The following CSMD1 variants were observed in gnomAD, a reference collection of about 807,000 sequenced individuals.
CSMD1 encodes the protein CUB and sushi domain-containing protein 1.
Under a neutral mutation model 417.5 loss-of-function variants are expected in CSMD1, and 213 were observed. That is an observed-to-expected ratio of 0.51 (90% CI 0.46 to 0.57). The LOEUF (loss-of-function observed/expected upper bound fraction) is 0.57. Among genes scored for constraint, CSMD1 ranks in the 20% least tolerant of loss-of-function variants. The pLI is 0.00. For missense variants in CSMD1, 6,923 were observed against 4,529.7 expected (o/e 1.53, Z -15.17); for synonymous variants, 2,862 against 1,736.8 (o/e 1.65, Z -16.11).
chr8:3,926,449 T>A (rs892151824), intron 5 of CSMD1, among the ~76,000 whole-genome samples: 5 of 152,060 alleles, frequency 3.3e-5, no homozygotes, highest in African/African-American at 9.7e-5. Flanking sequence ...GTTATAAATA[T>A]TTGTTGAATG....
At chr8:3,903,042 T>C (rs1807863171) in intron 5 of CSMD1, among the ~76,000 whole-genome samples, 1 of 152,186 alleles carries the variant, frequency 6.6e-6, no homozygotes, top group Non-Finnish European at 1.5e-5. Context: ...AAGTAGCGTG[T>C]AGCTGACCAC....
At chr8:4,240,400 C>A (rs529446194) in intron 3 of CSMD1, among the ~76,000 whole-genome samples, 3 of 152,338 alleles carry the variant, frequency 2.0e-5, no homozygotes, top group East Asian at 1.9e-4. Context: ...CAGTTGAGCA[C>A]CTTTGCCTGC....
chr8:2,993,451 T>C (rs1262473185), intron 54 of CSMD1, among the ~76,000 whole-genome samples: 2 of 152,108 alleles, frequency 1.3e-5, no homozygotes, highest in African/African-American at 4.8e-5. Flanking sequence ...AAAAGAGGAG[T>C]GTCAGGGCAC....
intron 7 of CSMD1, among the ~76,000 whole-genome samples, chr8:3,662,555 C>A (rs1456190002): frequency 6.6e-6 from 1 of 152,172 alleles, no homozygotes; most frequent in Non-Finnish European, 1.5e-5. Context: ...GCTATATACC[C>A]AGTAATGGGA....
intron 7 of CSMD1, among the ~76,000 whole-genome samples, chr8:3,619,681 A>T (rs1209033117): frequency 1.3e-5 from 2 of 152,202 alleles, no homozygotes; most frequent in African/African-American, 4.8e-5. Context: ...AAAGAAAAAG[A>T]GAGAATCTTA....
At chr8:4,174,615 A>T (rs1458215602) in intron 3 of CSMD1, among the ~76,000 whole-genome samples, 1 of 149,396 alleles carries the variant, frequency 6.7e-6, no homozygotes. Context: ...TTTTATAATA[A>T]TTAAAACAAA....
At chr8:4,413,701 A>G (rs929061649) in intron 3 of CSMD1, among the ~76,000 whole-genome samples, 7 of 152,134 alleles carry the variant, frequency 4.6e-5, no homozygotes, top group Non-Finnish European at 1.0e-4. Context: ...GTATTTTCCA[A>G]TGTCATTTAA....
intron 69 of CSMD1, 36 bp downstream of exon 69, chr8:2,942,436 C>G: frequency 6.3e-7 from 1 of 1,586,372 alleles, no homozygotes; most frequent in Non-Finnish European, 8.6e-7. Context: ...AGTTTACACT[C>G]ACAACATTCT....
At chr8:4,732,345 G>GTGTGTC (rs1554461220) in intron 1 of CSMD1, among the ~76,000 whole-genome samples, 1 of 5,426 alleles carries the variant, frequency 1.8e-4, no homozygotes, top group Non-Finnish European at 7.6e-4. Flanking sequence ...TTTCTTCTGC[G>GTGTGTC]TGTGTGTGTG....
intron 6 of CSMD1, among the ~76,000 whole-genome samples, chr8:3,744,378 G>C (rs116051823): frequency 6.6e-6 from 1 of 152,140 alleles, no homozygotes; most frequent in African/African-American, 2.4e-5. Flanking sequence ...AGCAGGACCA[G>C]ATTTGGAACC....
At chr8:4,066,606 GAA>G (rs1799263398) in intron 3 of CSMD1, among the ~76,000 whole-genome samples, 2 of 152,162 alleles carry the variant, frequency 1.3e-5, no homozygotes, top group Non-Finnish European at 1.5e-5. Flanking sequence ...ACCCAGAAGG[GAA>G]ATGTACCACA....
At chr8:3,142,998 G>C (rs1472877603) in intron 40 of CSMD1, among the ~76,000 whole-genome samples, 6 of 152,136 alleles carry the variant, frequency 3.9e-5, no homozygotes, top group Admixed American at 2.0e-4. Context: ...ACGCACTCGG[G>C]GATGATTTTG....
At chr8:3,198,070 T>G (rs1796797819) in intron 33 of CSMD1, among the ~76,000 whole-genome samples, 1 of 152,228 alleles carries the variant, frequency 6.6e-6, no homozygotes, top group African/African-American at 2.4e-5. Context: ...TGATGTTCTT[T>G]TCTTTCTACT....
intron 1 of CSMD1, among the ~76,000 whole-genome samples, chr8:4,994,113 G>A (rs540984847): frequency 6.6e-6 from 1 of 152,256 alleles, no homozygotes; most frequent in African/African-American, 2.4e-5. Context: ...CAAGAGAGGG[G>A]GAAGGAATGG....
At chr8:4,809,482 G>T (rs1798776659) in intron 1 of CSMD1, among the ~76,000 whole-genome samples, 1 of 152,088 alleles carries the variant, frequency 6.6e-6, no homozygotes, top group African/African-American at 2.4e-5. Flanking sequence ...ACTTCCAGGG[G>T]ATTGCCAATA....
At chr8:4,942,453 C>T (rs1056556703) in intron 1 of CSMD1, among the ~76,000 whole-genome samples, 1 of 152,182 alleles carries the variant, frequency 6.6e-6, no homozygotes, top group Non-Finnish European at 1.5e-5. Flanking sequence ...ACCATCATGA[C>T]AAAGACAGTT....
At chr8:4,241,636 A>C (rs1411091331) in intron 3 of CSMD1, among the ~76,000 whole-genome samples, 1 of 152,220 alleles carries the variant, frequency 6.6e-6, no homozygotes, top group African/African-American at 2.4e-5. Context: ...AAATAATTCA[A>C]TGATCAAAAT....
intron 10 of CSMD1, among the ~76,000 whole-genome samples, chr8:3,533,752 G>C (rs545766301): frequency 5.9e-5 from 9 of 152,204 alleles, no homozygotes; most frequent in Admixed American, 3.9e-4. Flanking sequence ...AGGTGCTTGA[G>C]GCATCTCTTT....
chr8:4,508,549 C>T (rs776766012), intron 2 of CSMD1, among the ~76,000 whole-genome samples: 11 of 152,000 alleles, frequency 7.2e-5, no homozygotes, highest in Non-Finnish European at 7.4e-5. Flanking sequence ...AAGTTTACTG[C>T]ATATTAAAGA....
Sources: allele counts gnomAD v4.1 joint callset (sites outside exome capture counted in the v4.1 genomes callset), GRCh38; gene constraint gnomAD v4.1.1; transcripts MANE v1.5; gene names NCBI Gene and HGNC (gene_info 2026-07-23, HGNC 2026-07-21).